MAMDC2: variants seen among roughly 807,000 people sequenced by gnomAD.
The protein encoded by MAMDC2 is MAM domain containing 2, also known as MAM domain-containing protein 2.
Under a neutral mutation model 89.8 loss-of-function variants are expected in MAMDC2, and 57 were observed. The observed-to-expected ratio is 0.63, with a 90% CI of 0.51 to 0.79. MAMDC2 has a LOEUF of 0.79. Among genes scored for constraint, MAMDC2 ranks in the 30% least tolerant of loss-of-function variants. MAMDC2 has a pLI of 0.00. For missense variants in MAMDC2, 800 were observed against 820.6 expected, an observed-to-expected ratio of 0.97 and a Z score of 0.31; for synonymous variants, 313 against 293.4, an observed-to-expected ratio of 1.07 and a Z score of -0.68.
chr9:70,087,508 A>G (rs1359654400), intron 2 of MAMDC2: 2 of 152,104 alleles, frequency 1.3e-5, no homozygotes, highest in Non-Finnish European at 2.9e-5. Context: ...CAATTGCGCT[A>G]ACAAAATTCT....
At chr9:70,149,725 C>A (rs998108883) in intron 9 of MAMDC2, among the ~76,000 whole-genome samples, 2 of 152,128 alleles carry the variant, frequency 1.3e-5, no homozygotes, top group African/African-American at 4.8e-5. Flanking sequence ...GCCTGGGAAT[C>A]AGTATTTTAT....
rs1012775447 is a variant in MAMDC2 at position 70,054,780 on chromosome 9, C to T, written c.148+10083C>T. Among the ~76,000 whole-genome samples, 3 of 152,022 alleles carry T rather than the reference C, an allele frequency of 2.0e-5. No individual in the cohort carries two copies. In the South Asian group the frequency reaches 6.2e-4, roughly 32 times the overall value. ...TTTGTACCCGTATAATTCCAAGTAC[C>T]CTCCACTGAGTGGCTTGTGGGCACT... is the stretch of plus-strand genomic sequence containing the variant. On this transcript the variant is annotated intron_variant, in intron 2 of 13. Transcript: ENST00000377182.
At position 70,170,467 on chromosome 9, in the gene MAMDC2, A is replaced by G; in HGVS notation, c.1499-12A>G. ...AGTCTCAGTGATTGCAACATCTGCT[A>G]TTTTCTTGCAGAGAAACTTCCACCT... is the stretch of plus-strand genomic sequence containing the variant. On this transcript the variant is annotated splice_polypyrimidine_tract_variant and intron_variant, in intron 10 of 13. Coordinates refer to ENST00000377182, the MANE Select transcript of MAMDC2 (RefSeq NM_153267.5). The G allele has an allele frequency of 6.3e-7, 1 of 1,598,634 alleles. No homozygotes were observed. The highest frequency in any genetic ancestry group is 8.5e-7 in the Non-Finnish European group (1 of 1,174,284).
intron 12 of MAMDC2, among the ~76,000 whole-genome samples, chr9:70,219,131 CA>C (rs1360891775): frequency 6.6e-6 from 1 of 152,132 alleles, no homozygotes; most frequent in Non-Finnish European, 1.5e-5. Context: ...CAGGTCCTCT[CA>C]TGTGCTATAG....
At chr9:70,192,366 T>C (rs2032897373) in intron 11 of MAMDC2, among the ~76,000 whole-genome samples, 2 of 152,118 alleles carry the variant, frequency 1.3e-5, no homozygotes, top group African/African-American at 4.8e-5. Context: ...ACTCAAAATA[T>C]ACTCTTTCTT....
chr9:70,124,395 A>G (rs539448981), intron 5 of MAMDC2, among the ~76,000 whole-genome samples: 10 of 152,216 alleles, frequency 6.6e-5, no homozygotes, highest in African/African-American at 2.4e-4. Flanking sequence ...CTGTTTATTC[A>G]CTGTTGTGTG....
At chr9:70,184,007 A>G (rs2118583269) in intron 11 of MAMDC2, among the ~76,000 whole-genome samples, 1 of 152,282 alleles carries the variant, frequency 6.6e-6, no homozygotes, top group South Asian at 2.1e-4. Context: ...ACGTATTTGC[A>G]GTAGCTGGTA....
intron 11 of MAMDC2, among the ~76,000 whole-genome samples, chr9:70,189,567 T>C (rs1168049063): frequency 6.6e-6 from 1 of 152,166 alleles, no homozygotes; most frequent in East Asian, 1.9e-4. Flanking sequence ...AGTGACTCCT[T>C]GAATTTTCCT....
At chr9:70,219,896 C>T (rs555693818) in intron 12 of MAMDC2, among the ~76,000 whole-genome samples, 2 of 152,256 alleles carry the variant, frequency 1.3e-5, no homozygotes, top group South Asian at 2.1e-4. Context: ...AAAGTTTGGT[C>T]CAGGTACCAG....
intron 11 of MAMDC2, among the ~76,000 whole-genome samples, chr9:70,202,807 T>C (rs939323177): frequency 1.1e-4 from 17 of 151,586 alleles, no homozygotes; most frequent in African/African-American, 3.6e-4. Flanking sequence ...TACCATTATG[T>C]AATGGCCTTC....
chr9:70,142,616 C>A (rs973660176), intron 8 of MAMDC2, among the ~76,000 whole-genome samples: 4 of 152,100 alleles, frequency 2.6e-5, no homozygotes, highest in African/African-American at 9.7e-5. Flanking sequence ...AATCAAGGTG[C>A]CATCAGGGTG....
At chr9:70,177,912 A>G (rs2032546472) in intron 11 of MAMDC2, among the ~76,000 whole-genome samples, 1 of 152,214 alleles carries the variant, frequency 6.6e-6, no homozygotes, top group South Asian at 2.1e-4. Context: ...AGAAAATACA[A>G]TGATTGGTAT....
intron 11 of MAMDC2, among the ~76,000 whole-genome samples, chr9:70,204,881 C>T (rs555549402): frequency 6.6e-6 from 1 of 152,360 alleles, no homozygotes; most frequent in South Asian, 2.1e-4. Flanking sequence ...CCTTGTGCTT[C>T]CCAGGTGAGG....
At chr9:70,106,795 T>C (rs1216520668) in intron 2 of MAMDC2, among the ~76,000 whole-genome samples, 2 of 152,184 alleles carry the variant, frequency 1.3e-5, no homozygotes, top group Non-Finnish European at 2.9e-5. Flanking sequence ...GATCTTGATC[T>C]TGAAATCCTT....
intron 5 of MAMDC2, among the ~76,000 whole-genome samples, chr9:70,118,061 T>C (rs983517040): frequency 4.6e-5 from 7 of 152,182 alleles, no homozygotes; most frequent in Admixed American, 1.3e-4. Flanking sequence ...AAATGTAGCA[T>C]GTGCAAAAGT....
At chr9:70,161,138 C>A (rs921991747) in intron 9 of MAMDC2, among the ~76,000 whole-genome samples, 1 of 152,120 alleles carries the variant, frequency 6.6e-6, no homozygotes, top group Non-Finnish European at 1.5e-5. Flanking sequence ...CCTTCTGGAA[C>A]CTCCCCTCCC....
intron 2 of MAMDC2, among the ~76,000 whole-genome samples, chr9:70,050,663 C>A (rs1203555663): frequency 1.3e-5 from 2 of 152,192 alleles, no homozygotes; most frequent in Non-Finnish European, 2.9e-5. Flanking sequence ...TTATCAACAT[C>A]ATAAACTTTA....
chr9:70,116,436 A>G (rs2029995357), intron 5 of MAMDC2, among the ~76,000 whole-genome samples: 1 of 152,182 alleles, frequency 6.6e-6, no homozygotes, highest in African/African-American at 2.4e-5. Context: ...GAGTCCAAAT[A>G]CTTGTGCTCC....
intron 9 of MAMDC2, among the ~76,000 whole-genome samples, chr9:70,167,072 AT>A (rs2032198640): frequency 6.6e-6 from 1 of 152,280 alleles, no homozygotes; most frequent in South Asian, 2.1e-4. Flanking sequence ...CAAGTAAAAT[AT>A]TTTACATGTT....
Sources: allele counts gnomAD v4.1 joint callset (sites outside exome capture counted in the v4.1 genomes callset), GRCh38; gene constraint gnomAD v4.1.1; transcripts MANE v1.5; gene names NCBI Gene and HGNC (gene_info 2026-07-23, HGNC 2026-07-21).